The following ATG10 variants were observed in gnomAD, a reference collection of about 807,000 sequenced individuals.
ATG10 encodes the protein ubiquitin-like-conjugating enzyme ATG10.
ATG10 carries 30 observed loss-of-function variants against 32.1 expected under a neutral mutation model. The observed-to-expected ratio is 0.94, with a 90% CI of 0.70 to 1.27. ATG10 has a LOEUF of 1.27. Among genes scored for constraint, ATG10 ranks in the 50% most tolerant of loss-of-function variants. The pLI, the probability that ATG10 is intolerant of heterozygous loss-of-function variation, is 0.00. For synonymous variants in ATG10, 87 were observed against 91.5 expected, an observed-to-expected ratio of 0.95 and a Z score of 0.28; for missense variants, 233 against 262.3, an observed-to-expected ratio of 0.89 and a Z score of 0.77.
At chr5:82,217,321 T>G (rs1745728897) in intron 5 of ATG10, among the ~76,000 whole-genome samples, 2 of 152,174 alleles carry the variant, frequency 1.3e-5, no homozygotes, top group Non-Finnish European at 2.9e-5. Context: ...ATGGTGATGA[T>G]GACCACAACG....
intron 2 of ATG10, among the ~76,000 whole-genome samples, chr5:81,995,071 C>G (rs1034720042): frequency 1.3e-5 from 2 of 152,098 alleles, no homozygotes; most frequent in Non-Finnish European, 2.9e-5. Flanking sequence ...CGAATTTCAC[C>G]TTGTTTTTGA....
At chr5:82,042,157 T>C (rs1234726611) in intron 2 of ATG10, among the ~76,000 whole-genome samples, 1 of 152,110 alleles carries the variant, frequency 6.6e-6, no homozygotes, top group African/African-American at 2.4e-5. Context: ...TGCAGGCTTA[T>C]CAAGAAGCAT....
chr5:82,142,797 C>T (rs1204184923), intron 3 of ATG10, among the ~76,000 whole-genome samples: 1 of 151,972 alleles, frequency 6.6e-6, no homozygotes, highest in East Asian at 1.9e-4. Context: ...GGGAAGAGAT[C>T]ACAGCAATAC....
At chr5:82,240,400 GA>G (rs1746739628) in intron 5 of ATG10, among the ~76,000 whole-genome samples, 1 of 152,186 alleles carries the variant, frequency 6.6e-6, no homozygotes, top group Non-Finnish European at 1.5e-5. Context: ...CATGTTAACT[GA>G]AATAAGCCAA....
intron 3 of ATG10, among the ~76,000 whole-genome samples, chr5:82,149,953 C>T (rs1355161241): frequency 4.6e-5 from 7 of 152,052 alleles, no homozygotes; most frequent in African/African-American, 1.7e-4. Context: ...TGTTCACTTT[C>T]TTGCAAGTGA....
Position 82,016,309 on chromosome 5 carries a change from G to A in ATG10, c.108+28631G>A, listed in dbSNP as rs992026684. ...TTGATTCTTTTACATGTGGCTTGCC[G>A]ATTATCCCAGCACCATTTGTTGAAT... On this transcript the variant is annotated intron_variant, in intron 2 of 7. Coordinates refer to ENST00000282185, the MANE Select transcript of ATG10 (RefSeq NM_031482.5). Among the ~76,000 whole-genome samples the A allele has an allele frequency of 3.9e-5, 6 of 152,206 alleles. No individual in the cohort carries two copies. The East Asian group carries it at 5.8e-4, about 15-fold the overall frequency.
intron 2 of ATG10, among the ~76,000 whole-genome samples, chr5:81,996,462 A>T (rs562046018): frequency 1.3e-5 from 2 of 151,984 alleles, no homozygotes; most frequent in Non-Finnish European, 2.9e-5. Flanking sequence ...CTGGTCTCGA[A>T]CTCCTGGCCT....
intron 3 of ATG10, chr5:82,147,813 G>A (rs1187769960): frequency 1.3e-5 from 2 of 152,296 alleles, no homozygotes; most frequent in African/African-American, 4.8e-5. Context: ...AAGATGGCAA[G>A]AGTTTTTGCT....
intron 5 of ATG10, among the ~76,000 whole-genome samples, chr5:82,198,853 A>G (rs946552482): frequency 6.6e-6 from 1 of 152,184 alleles, no homozygotes; most frequent in African/African-American, 2.4e-5. Flanking sequence ...AGTATTACCT[A>G]ATGTTTAGTA....
intron 3 of ATG10, among the ~76,000 whole-genome samples, chr5:82,146,635 AGATTGGAC>A (rs1188730468): frequency 6.7e-6 from 1 of 148,674 alleles, no homozygotes; most frequent in Non-Finnish European, 1.5e-5. Context: ...TCTTATCTTC[AGATTGGAC>A]GACTTCATTT....
At chr5:82,172,757 A>G (rs1320518687) in intron 4 of ATG10, among the ~76,000 whole-genome samples, 1 of 152,232 alleles carries the variant, frequency 6.6e-6, no homozygotes, top group Non-Finnish European at 1.5e-5. Flanking sequence ...GAAAGTTGCC[A>G]TAGTTCATAT....
intron 5 of ATG10, 22 bp from the exon 6 acceptor site, chr5:82,252,540 G>C: frequency 1.4e-6 from 2 of 1,471,850 alleles, no homozygotes; most frequent in Non-Finnish European, 1.9e-6. Flanking sequence ...CACTGATCCT[G>C]GACCAATTCT....
chr5:82,103,496 A>G (rs1765346258), intron 3 of ATG10, among the ~76,000 whole-genome samples: 1 of 151,776 alleles, frequency 6.6e-6, no homozygotes, highest in East Asian at 1.9e-4. Context: ...TCTACCACTT[A>G]CCTGGGGCTT....
At chr5:82,155,576 A>G (rs2149887457) in intron 3 of ATG10, among the ~76,000 whole-genome samples, 1 of 152,310 alleles carries the variant, frequency 6.6e-6, no homozygotes, top group East Asian at 1.9e-4. Flanking sequence ...AATATTTACT[A>G]CTTGGCCCTT....
At chr5:82,196,474 G>T (rs1744854848) in intron 5 of ATG10, among the ~76,000 whole-genome samples, 1 of 152,132 alleles carries the variant, frequency 6.6e-6, no homozygotes, top group South Asian at 2.1e-4. Context: ...AGGGCACAAA[G>T]ATTAAACCCT....
intron 3 of ATG10, among the ~76,000 whole-genome samples, chr5:82,080,651 T>G (rs1764446284): frequency 6.6e-6 from 1 of 152,228 alleles, no homozygotes; most frequent in Non-Finnish European, 1.5e-5. Flanking sequence ...TTTCTCAGGT[T>G]TGTCAAAGAT....
chr5:82,177,107 G>A (rs1480084634), intron 4 of ATG10, among the ~76,000 whole-genome samples: 1 of 152,174 alleles, frequency 6.6e-6, no homozygotes, highest in African/African-American at 2.4e-5. Context: ...TGAGGGCTGG[G>A]AGGAGATTCC....
intron 2 of ATG10, among the ~76,000 whole-genome samples, chr5:81,998,692 A>G (rs1167875520): frequency 6.6e-6 from 1 of 152,228 alleles, no homozygotes; most frequent in East Asian, 1.9e-4. Flanking sequence ...GGATGAAGAA[A>G]AATCTACCGA....
chr5:82,101,899 C>A (rs2149804498), intron 3 of ATG10, among the ~76,000 whole-genome samples: 1 of 152,258 alleles, frequency 6.6e-6, no homozygotes, highest in Non-Finnish European at 1.5e-5. Context: ...TTACTACAAT[C>A]AATAATGACA....
Sources: allele counts gnomAD v4.1 joint callset (sites outside exome capture counted in the v4.1 genomes callset), GRCh38; gene constraint gnomAD v4.1.1; transcripts MANE v1.5; gene names NCBI Gene and HGNC (gene_info 2026-07-23, HGNC 2026-07-21).